Variants in PTPRM observed in about 807,000 individuals in gnomAD.
PTPRM encodes protein tyrosine phosphatase receptor type M, also known as receptor-type tyrosine-protein phosphatase mu.
Under a neutral mutation model 186.7 loss-of-function variants are expected in PTPRM, and 47 were observed. That is an observed-to-expected ratio of 0.25 (90% confidence interval 0.20 to 0.32). The LOEUF (loss-of-function observed/expected upper bound fraction) is 0.32, where lower values mean the gene tolerates loss of function less well. Ranked by LOEUF, PTPRM falls within the 10% of genes least tolerant of loss-of-function variation. The probability of loss-of-function intolerance (pLI) is 1.00; values close to 1 mark genes in which losing one functional copy is unlikely to be tolerated. For missense variants in PTPRM, 1,494 were observed against 1,865.0 expected (o/e 0.80, Z 3.66); for synonymous variants, 668 against 674.9 (o/e 0.99, Z 0.16).
intron 1 of PTPRM, among the ~76,000 whole-genome samples, chr18:7,684,225 A>C (rs1020815361): frequency 6.6e-6 from 1 of 152,046 alleles, no homozygotes; most frequent in Non-Finnish European, 1.5e-5. Context: ...CCTTGAGCCC[A>C]GGGGTTAAAG....
At chr18:8,247,437 G>A (rs79286895) in intron 15 of PTPRM, among the ~76,000 whole-genome samples, 20,584 of 152,184 alleles carry the variant, frequency 0.14, 1,679 homozygotes, top group Non-Finnish European at 0.18. Flanking sequence ...AGCAAACTAT[G>A]GGAACATTGA....
At chr18:8,385,333 C>T (rs763677763) in intron 30 of PTPRM, among the ~76,000 whole-genome samples, 2 of 152,168 alleles carry the variant, frequency 1.3e-5, no homozygotes, top group African/African-American at 2.4e-5. Context: ...CAATAAATAA[C>T]AGATACAATA....
chr18:7,830,018 G>A (rs2045680299), intron 2 of PTPRM, among the ~76,000 whole-genome samples: 1 of 152,038 alleles, frequency 6.6e-6, no homozygotes, highest in Non-Finnish European at 1.5e-5. Context: ...GAGCCAAATG[G>A]CATACCTCCT....
chr18:7,664,032 G>C (rs1363985674), intron 1 of PTPRM, among the ~76,000 whole-genome samples: 1 of 152,194 alleles, frequency 6.6e-6, no homozygotes, highest in East Asian at 1.9e-4. Flanking sequence ...CTCCGTGCTG[G>C]ATGTGCTTGG....
At chr18:7,722,760 T>C (rs1198578826) in intron 1 of PTPRM, among the ~76,000 whole-genome samples, 5 of 152,150 alleles carry the variant, frequency 3.3e-5, no homozygotes, top group Non-Finnish European at 7.3e-5. Flanking sequence ...ATCTACCTAA[T>C]ATTAAAGGAT....
At chr18:7,599,586 G>C (rs1481362681) in intron 1 of PTPRM, among the ~76,000 whole-genome samples, 1 of 152,138 alleles carries the variant, frequency 6.6e-6, no homozygotes, top group African/African-American at 2.4e-5. Flanking sequence ...CATGCTCCCA[G>C]TTGCCACAGC....
intron 1 of PTPRM, among the ~76,000 whole-genome samples, chr18:7,616,397 T>G (rs8098234): frequency 0.36 from 54,696 of 151,942 alleles, 15,017 homozygotes; most frequent in African/African-American, 0.73. Context: ...GGGCCCAAGG[T>G]ATGCTCCTGC....
intron 1 of PTPRM, among the ~76,000 whole-genome samples, chr18:7,637,295 A>G (rs911785033): frequency 2.0e-5 from 3 of 152,106 alleles, no homozygotes; most frequent in African/African-American, 7.2e-5. Flanking sequence ...TCACAATAAA[A>G]TTTTGTTTGG....
At chr18:8,238,650 T>TG (rs2094376019) in intron 14 of PTPRM, among the ~76,000 whole-genome samples, 6 of 70,274 alleles carry the variant, frequency 8.5e-5, no homozygotes, top group Admixed American at 3.9e-4. Context: ...CTGTTTTGTG[T>TG]GTTTTTTTTT....
intron 7 of PTPRM, among the ~76,000 whole-genome samples, chr18:7,988,819 G>T (rs142540840): frequency 6.6e-6 from 1 of 152,048 alleles, no homozygotes; most frequent in Admixed American, 6.6e-5. Context: ...CTGTTGATGG[G>T]CATTTTGGTT....
intron 14 of PTPRM, among the ~76,000 whole-genome samples, chr18:8,148,757 C>T (rs540018177): frequency 3.3e-5 from 5 of 152,126 alleles, no homozygotes; most frequent in East Asian, 3.9e-4. Flanking sequence ...TATCAACTTT[C>T]GATCTTTCCT....
chr18:7,886,113 C>G (rs998079894), intron 2 of PTPRM, among the ~76,000 whole-genome samples: 1 of 152,204 alleles, frequency 6.6e-6, no homozygotes, highest in Non-Finnish European at 1.5e-5. Context: ...CATGTCATGC[C>G]TCAGCTCCAC....
intron 2 of PTPRM, among the ~76,000 whole-genome samples, chr18:7,804,810 G>C (rs1250598991): frequency 6.6e-6 from 1 of 152,138 alleles, no homozygotes; most frequent in African/African-American, 2.4e-5. Flanking sequence ...TTTGTCAGCA[G>C]ATTTAATCTC....
At chr18:8,054,904 T>A (rs754381423) in intron 7 of PTPRM, among the ~76,000 whole-genome samples, 15 of 152,144 alleles carry the variant, frequency 9.9e-5, no homozygotes, top group Non-Finnish European at 1.8e-4. Context: ...ACGTATATAG[T>A]TCTAAGTTGA....
chr18:8,197,787 A>G (rs948732131), intron 14 of PTPRM, among the ~76,000 whole-genome samples: 4 of 152,212 alleles, frequency 2.6e-5, no homozygotes, highest in Non-Finnish European at 5.9e-5. Flanking sequence ...GTGAAAGAGA[A>G]GTTTAGTTTT....
At chr18:8,280,520 CA>C (rs2094891528) in intron 19 of PTPRM, among the ~76,000 whole-genome samples, 1 of 152,152 alleles carries the variant, frequency 6.6e-6, no homozygotes, top group Non-Finnish European at 1.5e-5. Context: ...CTGGGCAAGG[CA>C]TCAGCCTCAT....
chr18:7,706,254 T>TGG (rs201961295), intron 1 of PTPRM, among the ~76,000 whole-genome samples: 1 of 151,424 alleles, frequency 6.6e-6, no homozygotes, highest in African/African-American at 2.4e-5. Context: ...GTTTTCTGGA[T>TGG]GGGGTCAGTT....
chr18:7,811,396 TGCTTA>T (rs1304262452), intron 2 of PTPRM, among the ~76,000 whole-genome samples: 3 of 152,340 alleles, frequency 2.0e-5, no homozygotes, highest in African/African-American at 7.2e-5. Context: ...CTTCCTCTGC[TGCTTA>T]GCATGGAGCT....
At chr18:8,306,548 C>T (rs2095224098) in intron 20 of PTPRM, among the ~76,000 whole-genome samples, 1 of 152,190 alleles carries the variant, frequency 6.6e-6, no homozygotes, top group Non-Finnish European at 1.5e-5. Flanking sequence ...GCTGTGTGCC[C>T]CAGAAATACC....
Sources: allele counts gnomAD v4.1 joint callset (sites outside exome capture counted in the v4.1 genomes callset), GRCh38; gene constraint gnomAD v4.1.1; transcripts MANE v1.5; gene names NCBI Gene and HGNC (gene_info 2026-07-23, HGNC 2026-07-21).